The following TTLL1 variants were observed in gnomAD, a reference collection of about 807,000 sequenced individuals.
The protein encoded by TTLL1 is polyglutamylase complex subunit TTLL1.
TTLL1 carries 33 observed loss-of-function variants against 47.8 expected under a neutral mutation model. That is an observed-to-expected ratio of 0.69 (90% CI 0.52 to 0.92). TTLL1 has a LOEUF of 0.92. TTLL1 is among the 40% of genes least tolerant of loss of function. The pLI is 0.00. For missense variants in TTLL1, 488 were observed against 547.5 expected (o/e 0.89, Z 1.08); for synonymous variants, 225 against 214.1 (o/e 1.05, Z -0.45).
chr22:43,066,776 G>A (rs183755308), intron 5 of TTLL1, among the ~76,000 whole-genome samples: 1 of 151,680 alleles, frequency 6.6e-6, no homozygotes, highest in African/African-American at 2.4e-5. Flanking sequence ...GATCACTTGA[G>A]GTCAAGAGTT....
In TTLL1 at chr22:43,064,315, A is replaced by T; in HGVS notation, c.513T>A (p.Ser171=). 1 of 1,611,872 alleles carries T rather than the reference A, an allele frequency of 6.2e-7. No homozygotes were observed. Among genetic ancestry groups the T allele is most frequent in the Middle Eastern group, 1.7e-4 (1 of 6,060 alleles). Residue 171 remains serine (S), a synonymous_variant, in exon 6 of 11, where the codon TCT becomes TCA. Transcript: ENST00000266254. ...SRDSKTSSFV[S]QSNKEAYVIS... Reference sequence around the variant, plus strand: ...TCACGTAGGCTTCCTTATTAGATTGAGACACAAACCTAAACATGGCAGAGA... The same window carrying T: ...TCACGTAGGCTTCCTTATTAGATTGTGACACAAACCTAAACATGGCAGAGA...
rs1928008298 is a variant in TTLL1 at position 43,069,952 on chromosome 22, C to T, written c.114-108G>A. 26 of 1,468,350 alleles carry T rather than the reference C, an allele frequency of 1.8e-5. No homozygotes were observed. The South Asian group carries it at 2.5e-4, about 14-fold the overall frequency. 91.0% of individuals were successfully genotyped at this position (1,468,350 alleles called of 1,614,324 possible). A position where few individuals can be genotyped will look rare whatever the true frequency, so the allele number is the denominator to read the frequency against. On this transcript the variant is annotated intron_variant, in intron 3 of 10. Coordinates refer to ENST00000266254, the MANE Select transcript of TTLL1 (RefSeq NM_012263.5). ...GAACCCTCAGCACCCTTCACCACTA[C>T]TCCCACATCCCCTGGCACCTGAGCC...
chr22:43,051,327 T>C (rs913539565), intron 9 of TTLL1, among the ~76,000 whole-genome samples: 1 of 152,240 alleles, frequency 6.6e-6, no homozygotes, highest in Admixed American at 6.5e-5. Context: ...CTCCACCCAC[T>C]GAAAGAGGCA....
chr22:43,077,355 C>G (rs1928575381), intron 2 of TTLL1, among the ~76,000 whole-genome samples: 1 of 152,190 alleles, frequency 6.6e-6, no homozygotes, highest in Non-Finnish European at 1.5e-5. Flanking sequence ...TAAGCCGCCT[C>G]CCACTCATCT....
At chr22:43,054,241 T>C (rs1466103474) in intron 8 of TTLL1, among the ~76,000 whole-genome samples, 4 of 152,206 alleles carry the variant, frequency 2.6e-5, no homozygotes, top group South Asian at 2.1e-4. Flanking sequence ...GGACAAGAGA[T>C]GGGGCACTCG....
chr22:43,059,305 T>C, intron 8 of TTLL1, 79 bp downstream of exon 8: 1 of 1,533,754 alleles, frequency 6.5e-7, no homozygotes, highest in African/African-American at 1.4e-5. Context: ...AAAACAGGGA[T>C]TTTTAACAGA....
rs891928452 is a variant in TTLL1 at position 43,083,148 on chromosome 22, C to T, written c.-89-3162G>A. Among the ~76,000 whole-genome samples the T allele has an allele frequency of 7.2e-5, 11 of 151,882 alleles. No homozygotes were observed. In the East Asian group the frequency reaches 1.9e-3, roughly 27 times the overall value. ...CTGGGAGGCCGAGGCAGGCAGATCA[C>T]GAGGTCAGGAGATCAAGACCATCCT... On this transcript the variant is annotated intron_variant, in intron 1 of 10. Transcript: ENST00000266254.
At chr22:43,077,064 G>A (rs528470106) in intron 2 of TTLL1, among the ~76,000 whole-genome samples, 6 of 152,040 alleles carry the variant, frequency 3.9e-5, no homozygotes, top group South Asian at 2.1e-4. Flanking sequence ...TCGCACCACT[G>A]CACTCCAGCC....
At chr22:43,053,620 A>G (rs1926797840) in intron 8 of TTLL1, among the ~76,000 whole-genome samples, 3 of 152,142 alleles carry the variant, frequency 2.0e-5, no homozygotes, top group Admixed American at 1.3e-4. Flanking sequence ...CCCGTCCTGC[A>G]CCAGGCCCCT....
chr22:43,039,839 A>C lies in TTLL1; in HGVS notation c.1209T>G (p.Ser403=). The C allele has an allele frequency of 6.2e-7, 1 of 1,614,062 alleles. No homozygotes were observed. Among genetic ancestry groups the C allele is most frequent in the Non-Finnish European group, 8.5e-7 (1 of 1,179,998 alleles). The change falls in exon 11 of 11, where the codon TCT becomes TCG. Residue 403 remains serine (S), a synonymous_variant. Coordinates refer to ENST00000266254, the MANE Select transcript of TTLL1 (RefSeq NM_012263.5). ...TCGATCGGCCTGCTCTGGGCCCCAG[A>C]GACTGACCCTGACGGCTTCTCAGCT... ...DRELRSRQGQ[S]LGPRAGRSRD...
rs1925775273 is a variant in TTLL1 at position 43,042,610 on chromosome 22, AT to A, written c.1143-2706del. 2.0e-5 allele frequency among the ~76,000 whole-genome samples: 3 copies of A among 152,296 alleles called. No homozygotes were observed. The South Asian group carries it at 6.2e-4, about 32-fold the overall frequency. Reference sequence around the variant, plus strand: ...TCATGCGGCCAGTGTCCTCTGCTAGATGCTGCTGGGCTCTGAGGAGTTGCTG... The same window carrying A: ...TCATGCGGCCAGTGTCCTCTGCTAGAGCTGCTGGGCTCTGAGGAGTTGCTG... On this transcript the variant is annotated intron_variant, in intron 10 of 10. Coordinates refer to ENST00000266254, the MANE Select transcript of TTLL1 (RefSeq NM_012263.5).
intron 5 of TTLL1, 72 bp from the exon 6 acceptor site, chr22:43,064,396 A>ATAACTT: frequency 6.6e-7 from 1 of 1,519,566 alleles, no homozygotes; most frequent in Non-Finnish European, 8.9e-7. Flanking sequence ...CAAGAAAGGA[A>ATAACTT]TAACTGATAA....
chr22:43,088,324 CTTTTT>C (rs1167618669), intron 1 of TTLL1, among the ~76,000 whole-genome samples: 18 of 56,488 alleles, frequency 3.2e-4, no homozygotes, highest in African/African-American at 9.5e-4. Context: ...AAGGGCCCAT[CTTTTT>C]TTTTTTTTTT....
chr22:43,088,238 T>C (rs939398945), intron 1 of TTLL1, among the ~76,000 whole-genome samples: 1 of 150,434 alleles, frequency 6.6e-6, no homozygotes, highest in African/African-American at 2.4e-5. Flanking sequence ...TCACTGTCCA[T>C]CTCCACGCCC....
chr22:43,072,069 G>C (rs1008204654), intron 3 of TTLL1, among the ~76,000 whole-genome samples: 1 of 152,160 alleles, frequency 6.6e-6, no homozygotes, highest in Admixed American at 6.5e-5. Context: ...TGTGGTCAAA[G>C]AGTCTTTCAC....
intron 9 of TTLL1, among the ~76,000 whole-genome samples, chr22:43,047,917 G>A (rs975167717): frequency 5.3e-5 from 8 of 152,150 alleles, no homozygotes; most frequent in African/African-American, 1.2e-4. Context: ...GCAGTGTATC[G>A]AATATGTACT....
At chr22:43,076,434 C>T (rs1481908848) in intron 2 of TTLL1, among the ~76,000 whole-genome samples, 6 of 151,754 alleles carry the variant, frequency 4.0e-5, no homozygotes, top group East Asian at 1.9e-4. Context: ...CCAGCCTCGG[C>T]GACAGAGCGA....
At chr22:43,077,331 G>A (rs1353993369) in intron 2 of TTLL1, among the ~76,000 whole-genome samples, 3 of 152,056 alleles carry the variant, frequency 2.0e-5, no homozygotes, top group Admixed American at 1.3e-4. Context: ...TGCTGCCCTC[G>A]ATCTCTGCCT....
intron 1 of TTLL1, among the ~76,000 whole-genome samples, chr22:43,086,403 C>T (rs1045098008): frequency 1.8e-4 from 27 of 152,256 alleles, no homozygotes; most frequent in Admixed American, 1.5e-3. Flanking sequence ...ACCTGGGTCT[C>T]GCTCCTGGGG....
Sources: gnomAD v4.1 joint callset for allele counts (sites outside exome capture counted in the v4.1 genomes callset) on GRCh38, gnomAD v4.1.1 for gene constraint, MANE v1.5 for transcripts, NCBI Gene and HGNC (gene_info 2026-07-23, HGNC 2026-07-21) for gene names.